PCDH20: variants seen among roughly 807,000 people sequenced by gnomAD.
PCDH20 encodes the protein protocadherin 20, also known as protocadherin-20.
Under a neutral mutation model 39.7 loss-of-function variants are expected in PCDH20, and 18 were observed. The observed-to-expected ratio is 0.45, with a 90% CI of 0.31 to 0.67. PCDH20 has a LOEUF of 0.67. PCDH20 is among the 30% of genes least tolerant of loss of function. The pLI, the probability that PCDH20 is intolerant of heterozygous loss-of-function variation, is 0.05. For missense variants in PCDH20, 1,161 were observed against 1,167.4 expected, an observed-to-expected ratio of 0.99 and a Z score of 0.08; for synonymous variants, 495 against 455.4, an observed-to-expected ratio of 1.09 and a Z score of -1.11.
chr13:61,414,698 G>C (rs544928212), intron 1 of PCDH20, among the ~76,000 whole-genome samples: 1 of 152,240 alleles, frequency 6.6e-6, no homozygotes, highest in Non-Finnish European at 1.5e-5. Context: ...AAAACAATTT[G>C]TCAATTGCAG....
At chr13:61,414,511 A>G (rs1371527159) in intron 1 of PCDH20, among the ~76,000 whole-genome samples, 1 of 152,138 alleles carries the variant, frequency 6.6e-6, no homozygotes, top group East Asian at 1.9e-4. Context: ...TAGAAAAAAT[A>G]CCAACACTTC....
At chr13:61,414,957 T>C in intron 1 of PCDH20, 70 bp downstream of exon 1, 1 of 1,289,878 alleles carries the variant, frequency 7.8e-7, no homozygotes, top group Non-Finnish European at 1.0e-6. Flanking sequence ...TGAAAAACCA[T>C]CCGAGTGGGA....
chr13:61,415,214 C>A lies in PCDH20; in HGVS notation c.-56G>T. On this transcript the variant is annotated 5_prime_UTR_variant, in exon 1 of 2. An upstream open reading frame in the 5' UTR gains an earlier in-frame stop. Transcript: ENST00000409204. Reference sequence around the variant, plus strand: ...GAAGGGAGGGCGGCAGAAGACACTCCCTCTCGGTTCATGCAAATCGCTGGG... The same window carrying A: ...GAAGGGAGGGCGGCAGAAGACACTCACTCTCGGTTCATGCAAATCGCTGGG... The A allele has an allele frequency of 7.7e-7, 1 of 1,305,114 alleles. No homozygotes were observed. The highest frequency in any genetic ancestry group is 9.9e-7 in the Non-Finnish European group (1 of 1,014,878). The allele number at this position is 1,305,114 out of a possible 1,614,324, so 80.8% of individuals were successfully genotyped here. A position where few individuals can be genotyped will look rare whatever the true frequency, so the allele number is the denominator to read the frequency against.
At chr13:61,413,709 G>A (rs1180792635) in exon 2 of PCDH20, 11 of 1,613,814 alleles carry the variant, frequency 6.8e-6, no homozygotes, top group African/African-American at 2.7e-5. Flanking sequence ...CTAGGGTCAC[G>A]TACTGGCCAC....
chr13:61,415,169 G>A, exon 1 of PCDH20: 1 of 1,408,280 alleles, frequency 7.1e-7, no homozygotes, highest in Non-Finnish European at 9.4e-7. Flanking sequence ...TCCCTGGGAG[G>A]CTGCAGTCAG....
exon 2 of PCDH20, chr13:61,411,449 C>T (rs373581135): frequency 1.2e-5 from 19 of 1,614,118 alleles, no homozygotes; most frequent in Non-Finnish European, 9.3e-6. Context: ...ATACAAGACA[C>T]AGATTCTACC....
At chr13:61,413,465 A>G in exon 2 of PCDH20, 1 of 1,613,782 alleles carries the variant, frequency 6.2e-7, no homozygotes, top group Non-Finnish European at 8.5e-7. Flanking sequence ...GAGATCTGGG[A>G]AACAGGGAAC....
chr13:61,411,490 G>C, exon 2 of PCDH20: 1 of 1,613,974 alleles, frequency 6.2e-7, no homozygotes, highest in Non-Finnish European at 8.5e-7. Context: ...TGAGATTTGT[G>C]GTTCTTTCTC....
chr13:61,411,500 C>G, exon 2 of PCDH20: 2 of 1,614,012 alleles, frequency 1.2e-6, no homozygotes, highest in Admixed American at 1.7e-5. Context: ...GGTTCTTTCT[C>G]CTCTATATTA....
exon 2 of PCDH20, chr13:61,410,318 T>G (rs1878220557): frequency 6.6e-6 from 1 of 152,158 alleles, no homozygotes; most frequent in Non-Finnish European, 1.5e-5. Context: ...TGATGGATGA[T>G]TTCAAGCCTA....
At chr13:61,414,902 C>G in intron 1 of PCDH20, 125 bp downstream of exon 1, 10 of 1,183,700 alleles carry the variant, frequency 8.4e-6, no homozygotes, top group Non-Finnish European at 1.1e-5. Context: ...CCCTTTCCCT[C>G]CCGGCGCCAT....
chr13:61,413,861 C>A (rs745390445), exon 2 of PCDH20: 4 of 1,613,300 alleles, frequency 2.5e-6, no homozygotes, highest in African/African-American at 1.3e-5. Context: ...CCGATGAGCA[C>A]CCCCGCGGGT....
chr13:61,413,924 G>C, exon 2 of PCDH20: 1 of 1,612,902 alleles, frequency 6.2e-7, no homozygotes, highest in Admixed American at 1.7e-5. Flanking sequence ...TAACTCCCGA[G>C]GCAGCTGAAG....
Position 61,414,281 on chromosome 13 carries a change from G to A in PCDH20, c.133-315C>T, listed in dbSNP as rs78478044. ...TAAAACATCCCTGGAAACACACACC[G>A]GAGTGGAGAGGATTCCGACTCAGAG... On this transcript the variant is annotated intron_variant, in intron 1 of 1. Coordinates refer to ENST00000409204, the Ensembl canonical transcript of PCDH20. Among the ~76,000 whole-genome samples, 1,288 of 152,100 alleles carry A rather than the reference G, an allele frequency of 8.5e-3. 5 individuals are homozygous for A. Among genetic ancestry groups the A allele is most frequent in the Middle Eastern group, 0.024 (7 of 294 alleles).
At chr13:61,414,295 T>C (rs1871488152) in intron 1 of PCDH20, among the ~76,000 whole-genome samples, 1 of 151,948 alleles carries the variant, frequency 6.6e-6, no homozygotes, top group Non-Finnish European at 1.5e-5. Context: ...TGGAGAGGAT[T>C]CCGACTCAGA....
At chr13:61,414,819 C>T (rs1321645249) in intron 1 of PCDH20, among the ~76,000 whole-genome samples, 1 of 152,190 alleles carries the variant, frequency 6.6e-6, no homozygotes, top group Non-Finnish European at 1.5e-5. Flanking sequence ...ACATTTCTTG[C>T]TTCAGAAACT....
chr13:61,410,910 T>C (rs1316396853), exon 2 of PCDH20: 1 of 174,562 alleles, frequency 5.7e-6, no homozygotes, highest in East Asian at 1.6e-4. Context: ...ACAGGAATTT[T>C]TAGATAAAAA....
exon 2 of PCDH20, chr13:61,411,735 T>C: frequency 1.9e-6 from 3 of 1,614,218 alleles, no homozygotes; most frequent in Non-Finnish European, 2.5e-6. Context: ...GCCTAGGACC[T>C]CTTCTCCCTA....
chr13:61,412,718 C>A, exon 2 of PCDH20: 4 of 1,614,114 alleles, frequency 2.5e-6, no homozygotes, highest in Non-Finnish European at 3.4e-6. Flanking sequence ...TTGTATTTAC[C>A]TTCTGGATCT....
Sources: allele counts gnomAD v4.1 joint callset (sites outside exome capture counted in the v4.1 genomes callset), GRCh38; gene constraint gnomAD v4.1.1; transcripts MANE v1.5; gene names NCBI Gene and HGNC (gene_info 2026-07-23, HGNC 2026-07-21).